The following B3GALT1 variants were observed in gnomAD, a reference collection of about 807,000 sequenced individuals.
B3GALT1 encodes the protein beta-1,3-galactosyltransferase 1, also known as UDP-Gal:betaGlcNAc beta 1,3-galactosyltransferase, polypeptide 1.
A neutral mutation model predicts 23.2 loss-of-function variants in B3GALT1; 10 were observed. That is an observed-to-expected ratio of 0.43 (90% CI 0.27 to 0.73). The LOEUF is 0.73. Ranked by LOEUF, B3GALT1 falls within the 30% of genes least tolerant of loss-of-function variation. The pLI is 0.21. For synonymous variants in B3GALT1, 156 were observed against 141.5 expected, an observed-to-expected ratio of 1.10 and a Z score of -0.73; for missense variants, 299 against 405.4, an observed-to-expected ratio of 0.74 and a Z score of 2.25.
intron 2 of B3GALT1, among the ~76,000 whole-genome samples, chr2:167,639,846 A>G (rs1685621531): frequency 6.6e-6 from 1 of 152,098 alleles, no homozygotes; most frequent in Non-Finnish European, 1.5e-5. Context: ...TGGCCCCTGC[A>G]TATGGTTAGC....
intron 3 of B3GALT1, among the ~76,000 whole-genome samples, chr2:167,747,818 G>A (rs1261312876): frequency 6.6e-6 from 1 of 152,144 alleles, no homozygotes; most frequent in African/African-American, 2.4e-5. Context: ...TGGGCTAGAG[G>A]TTGTTTATTG....
intron 3 of B3GALT1, among the ~76,000 whole-genome samples, chr2:167,789,714 T>C (rs1302843299): frequency 6.6e-6 from 1 of 152,144 alleles, no homozygotes; most frequent in African/African-American, 2.4e-5. Flanking sequence ...GGAATGTTAT[T>C]GTAGATCCCT....
chr2:167,450,053 C>G (rs919798334), intron 1 of B3GALT1, among the ~76,000 whole-genome samples: 2 of 152,000 alleles, frequency 1.3e-5, no homozygotes, highest in African/African-American at 4.8e-5. Context: ...GTGTAGTTTT[C>G]TTTTTTAGTT....
intron 3 of B3GALT1, among the ~76,000 whole-genome samples, chr2:167,692,737 A>G (rs1686733416): frequency 6.6e-6 from 1 of 152,132 alleles, no homozygotes; most frequent in African/African-American, 2.4e-5. Flanking sequence ...AATAACTCCA[A>G]ATCATGAAAA....
chr2:167,806,449 G>A (rs1287733878), intron 3 of B3GALT1, among the ~76,000 whole-genome samples: 1 of 151,286 alleles, frequency 6.6e-6, no homozygotes, highest in Non-Finnish European at 1.5e-5. Flanking sequence ...CATTCAGTAT[G>A]ATATTGGTCA....
intron 3 of B3GALT1, among the ~76,000 whole-genome samples, chr2:167,790,792 T>A (rs836688): frequency 0.15 from 22,343 of 152,216 alleles, 1,891 homozygotes; most frequent in East Asian, 0.36. Context: ...ATTTGCCATT[T>A]ATTGTTCTAA....
At chr2:167,483,830 T>C (rs1699589576) in intron 1 of B3GALT1, among the ~76,000 whole-genome samples, 1 of 152,206 alleles carries the variant, frequency 6.6e-6, no homozygotes, top group African/African-American at 2.4e-5. Context: ...CCTGGTGTTC[T>C]TTTGGTTCAT....
intron 1 of B3GALT1, among the ~76,000 whole-genome samples, chr2:167,328,825 AT>A (rs909054347): frequency 4.0e-5 from 6 of 150,684 alleles, no homozygotes; most frequent in Non-Finnish European, 5.9e-5. Context: ...TTTTTATTTT[AT>A]TTTTTTTAAC....
chr2:167,812,875 G>A (rs68007903), intron 3 of B3GALT1, among the ~76,000 whole-genome samples: 3,814 of 151,652 alleles, frequency 0.025, 75 homozygotes, highest in South Asian at 0.069. Context: ...TCCAAAAAAC[G>A]GAAGCTTTGC....
At chr2:167,595,877 G>A (rs976530704) in intron 2 of B3GALT1, among the ~76,000 whole-genome samples, 1 of 152,166 alleles carries the variant, frequency 6.6e-6, no homozygotes, top group Non-Finnish European at 1.5e-5. Flanking sequence ...TGCATGTAAT[G>A]GTTATTCTCA....
chr2:167,569,544 A>C (rs535363014), intron 2 of B3GALT1, among the ~76,000 whole-genome samples: 1 of 151,886 alleles, frequency 6.6e-6, no homozygotes, highest in African/African-American at 2.4e-5. Flanking sequence ...ACAATTGCTT[A>C]TCAGTTCTGG....
chr2:167,505,520 T>A (rs780801175), intron 2 of B3GALT1, among the ~76,000 whole-genome samples: 21 of 152,156 alleles, frequency 1.4e-4, no homozygotes, highest in Middle Eastern at 3.4e-3. Flanking sequence ...GAGAAAAGAC[T>A]CTAAGGAACA....
At chr2:167,562,682 G>A (rs1253157083) in intron 2 of B3GALT1, among the ~76,000 whole-genome samples, 1 of 149,880 alleles carries the variant, frequency 6.7e-6, no homozygotes, top group Non-Finnish European at 1.5e-5. Context: ...ATCATTCTTG[G>A]GTGTTTCTCG....
intron 1 of B3GALT1, among the ~76,000 whole-genome samples, chr2:167,386,788 A>C (rs1260624579): frequency 6.6e-6 from 1 of 152,188 alleles, no homozygotes; most frequent in African/African-American, 2.4e-5. Context: ...GGAATTAGAG[A>C]AGTCTTTAGC....
intron 1 of B3GALT1, among the ~76,000 whole-genome samples, chr2:167,427,734 A>G (rs552590966): frequency 1.3e-5 from 2 of 152,028 alleles, no homozygotes; most frequent in Non-Finnish European, 2.9e-5. Flanking sequence ...GAGTTTTGCT[A>G]TGTTGCCCAG....
At chr2:167,436,473 A>G (rs1359200352) in intron 1 of B3GALT1, among the ~76,000 whole-genome samples, 1 of 152,096 alleles carries the variant, frequency 6.6e-6, no homozygotes, top group East Asian at 1.9e-4. Context: ...ATACCTACCC[A>G]TCCCCTTACC....
intron 2 of B3GALT1, among the ~76,000 whole-genome samples, 170 bp downstream of exon 2, chr2:167,490,447 C>T (rs1699692579): frequency 6.6e-6 from 1 of 152,190 alleles, no homozygotes; most frequent in Admixed American, 6.5e-5. Context: ...AATAATTCCT[C>T]ACCAAATATT....
chr2:167,518,889 T>G (rs930581055), intron 2 of B3GALT1, among the ~76,000 whole-genome samples: 8 of 152,196 alleles, frequency 5.3e-5, no homozygotes, highest in Non-Finnish European at 1.0e-4. Flanking sequence ...AATATGGTGC[T>G]AATGAGATTA....
intron 3 of B3GALT1, among the ~76,000 whole-genome samples, chr2:167,670,462 A>G (rs1288286857): frequency 6.6e-6 from 1 of 152,228 alleles, no homozygotes; most frequent in East Asian, 1.9e-4. Flanking sequence ...TTTAAATGCA[A>G]AAACAACAAT....
Sources: allele counts gnomAD v4.1 joint callset (sites outside exome capture counted in the v4.1 genomes callset), GRCh38; gene constraint gnomAD v4.1.1; transcripts MANE v1.5; gene names NCBI Gene and HGNC (gene_info 2026-07-23, HGNC 2026-07-21).